Variants in CDKAL1 observed in about 807,000 individuals in gnomAD.
CDKAL1 encodes the protein CDKAL1 threonylcarbamoyladenosine tRNA methylthiotransferase, also known as threonylcarbamoyladenosine tRNA methylthiotransferase.
CDKAL1 carries 32 observed loss-of-function variants against 68.2 expected under a neutral mutation model. The observed-to-expected ratio is 0.47, with a 90% confidence interval of 0.35 to 0.63. The LOEUF (loss-of-function observed/expected upper bound fraction) is 0.63, where lower values mean the gene tolerates loss of function less well. Among genes scored for constraint, CDKAL1 ranks in the 30% least tolerant of loss-of-function variants. CDKAL1 has a pLI of 0.00. For missense variants in CDKAL1, 606 were observed against 696.7 expected (o/e 0.87, Z 1.47); for synonymous variants, 234 against 244.3 (o/e 0.96, Z 0.39).
chr6:20,955,635 A>G, intron 10 of CDKAL1, 50 bp downstream of exon 10: 1 of 1,539,158 alleles, frequency 6.5e-7, no homozygotes, highest in Non-Finnish European at 8.9e-7. Context: ...TAACCAGTCC[A>G]GACAGTGTGG....
intron 5 of CDKAL1, among the ~76,000 whole-genome samples, chr6:20,654,069 G>A (rs6456366): frequency 4.0e-5 from 6 of 151,666 alleles, no homozygotes; most frequent in Admixed American, 3.3e-4. Context: ...TTTTAGTAGA[G>A]ATGTGGTTTC....
At position 20,943,689 on chromosome 6, in the gene CDKAL1, G is replaced by A. The variant is rs550639666; in HGVS notation, c.743-11730G>A. 4.3e-3 allele frequency among the ~76,000 whole-genome samples: 652 copies of A among 151,070 alleles called. 6 individuals are homozygous for A. Among genetic ancestry groups the A allele is most frequent in the African/African-American group, 0.015 (615 of 41,192 alleles). On this transcript the variant is annotated intron_variant, in intron 9 of 15. Coordinates refer to ENST00000274695, the MANE Select transcript of CDKAL1 (RefSeq NM_017774.3). ...TTATCATGTTCATATTTTTTTAAAC[G>A]CATAGACCACATGTACAATAGCTGG...
chr6:21,014,741 G>A (rs1217474083), intron 11 of CDKAL1, among the ~76,000 whole-genome samples: 3 of 151,932 alleles, frequency 2.0e-5, no homozygotes, highest in Non-Finnish European at 4.4e-5. Flanking sequence ...TTTGCACCTG[G>A]CTCAATATTT....
intron 13 of CDKAL1, among the ~76,000 whole-genome samples, chr6:21,185,225 A>T (rs938510237): frequency 4.4e-5 from 4 of 91,350 alleles, no homozygotes; most frequent in African/African-American, 1.4e-4. Context: ...AGAGGCCATT[A>T]AAAAAAAAAA....
intron 4 of CDKAL1, among the ~76,000 whole-genome samples, chr6:20,638,196 G>A (rs1326998798): frequency 6.6e-6 from 1 of 152,184 alleles, no homozygotes; most frequent in Non-Finnish European, 1.5e-5. Context: ...AGTTACATCA[G>A]TATAGTGTGC....
chr6:21,158,257 T>C (rs192933703), intron 13 of CDKAL1, among the ~76,000 whole-genome samples: 3 of 152,220 alleles, frequency 2.0e-5, no homozygotes, highest in African/African-American at 7.2e-5. Context: ...GGACAGTAAA[T>C]ACTGCCTCTT....
chr6:20,828,761 C>T (rs557402407), intron 8 of CDKAL1, among the ~76,000 whole-genome samples: 19 of 152,274 alleles, frequency 1.2e-4, no homozygotes, highest in African/African-American at 4.3e-4. Flanking sequence ...GCATTAAGTA[C>T]ATTCGTGTTG....
chr6:20,610,561 C>A (rs778481689), intron 4 of CDKAL1, among the ~76,000 whole-genome samples: 3 of 151,660 alleles, frequency 2.0e-5, no homozygotes, highest in Non-Finnish European at 4.4e-5. Context: ...CCCAGTCTTC[C>A]CTCTCCTCTT....
chr6:21,072,394 AATT>A (rs1305675897), intron 12 of CDKAL1, among the ~76,000 whole-genome samples: 1 of 152,010 alleles, frequency 6.6e-6, no homozygotes, highest in South Asian at 2.1e-4. Flanking sequence ...TCACCTTTTT[AATT>A]GTTCTTGGCA....
At chr6:21,053,248 C>A (rs1256800210) in intron 11 of CDKAL1, among the ~76,000 whole-genome samples, 1 of 152,186 alleles carries the variant, frequency 6.6e-6, no homozygotes, top group African/African-American at 2.4e-5. Context: ...TCGTGTCTTT[C>A]ATTTCCTTAA....
intron 12 of CDKAL1, among the ~76,000 whole-genome samples, chr6:21,080,090 T>TC (rs1772304138): frequency 1.3e-5 from 2 of 151,042 alleles, no homozygotes; most frequent in Non-Finnish European, 2.9e-5. Context: ...TTTTTTTTTT[T>TC]CTTTGAATCC....
intron 6 of CDKAL1, among the ~76,000 whole-genome samples, chr6:20,750,572 G>A (rs1021010935): frequency 5.3e-5 from 8 of 152,002 alleles, no homozygotes; most frequent in African/African-American, 1.9e-4. Flanking sequence ...TCATCAAGTG[G>A]ACCACCTATC....
intron 8 of CDKAL1, among the ~76,000 whole-genome samples, chr6:20,830,729 T>C (rs1336646556): frequency 6.6e-6 from 1 of 152,106 alleles, no homozygotes; most frequent in Non-Finnish European, 1.5e-5. Flanking sequence ...ATTACTGCTA[T>C]TCACAGGACT....
Position 20,964,179 on chromosome 6 carries a change from G to A in CDKAL1, c.909+8594G>A, listed in dbSNP as rs868444725. Among the ~76,000 whole-genome samples the A allele has an allele frequency of 4.6e-5, 7 of 152,258 alleles. No individual in the cohort carries two copies. The South Asian group carries it at 6.2e-4, about 14-fold the overall frequency. On this transcript the variant is annotated intron_variant, in intron 10 of 15. Transcript: ENST00000274695. ...AAATAACAGATGCTGGCGAGGGTAC[G>A]GAGAAAAAGGAATGCTTATACACTG...
rs111247617 is a variant in CDKAL1 at position 20,977,078 on chromosome 6, A to G, written c.909+21493A>G. On this transcript the variant is annotated intron_variant, in intron 10 of 15. Transcript: ENST00000274695. ...TTTAATAAAATTGCCCATCATGTAT[A>G]AAAGTTGCTGCTATTCTATTAAATA... Among the ~76,000 whole-genome samples the G allele has an allele frequency of 4.7e-3, 712 of 152,276 alleles. 6 individuals are homozygous for G. The highest frequency in any genetic ancestry group is 0.016 in the African/African-American group (678 of 41,568).
intron 9 of CDKAL1, among the ~76,000 whole-genome samples, chr6:20,880,360 A>G (rs12210231): frequency 0.11 from 16,522 of 152,048 alleles, 986 homozygotes; most frequent in African/African-American, 0.14. Context: ...GGTTCAAGCT[A>G]TTCCCCAGCC....
At chr6:20,931,406 T>C (rs563823729) in intron 9 of CDKAL1, among the ~76,000 whole-genome samples, 1 of 152,332 alleles carries the variant, frequency 6.6e-6, no homozygotes, top group East Asian at 1.9e-4. Context: ...ATAGGAGATA[T>C]TAATGTCCTC....
chr6:20,565,612 G>A (rs1245828221), intron 4 of CDKAL1, among the ~76,000 whole-genome samples: 1 of 152,038 alleles, frequency 6.6e-6, no homozygotes, highest in East Asian at 1.9e-4. Flanking sequence ...CTACATATGC[G>A]ATTTGTCTGA....
chr6:21,019,009 G>C (rs1375834935), intron 11 of CDKAL1, among the ~76,000 whole-genome samples: 1 of 152,094 alleles, frequency 6.6e-6, no homozygotes, highest in Non-Finnish European at 1.5e-5. Context: ...GAATGTCATG[G>C]TGAGATACGT....
Sources: gnomAD v4.1 joint callset for allele counts (sites outside exome capture counted in the v4.1 genomes callset) on GRCh38, gnomAD v4.1.1 for gene constraint, MANE v1.5 for transcripts, NCBI Gene and HGNC (gene_info 2026-07-23, HGNC 2026-07-21) for gene names.